ZAP70: variants seen among roughly 807,000 people sequenced by gnomAD.
ZAP70 encodes tyrosine-protein kinase ZAP-70.
Under a neutral mutation model 65.8 loss-of-function variants are expected in ZAP70, and 27 were observed. The observed-to-expected ratio is 0.41, with a 90% CI of 0.30 to 0.57. ZAP70 has a LOEUF of 0.57. ZAP70 is among the 20% of genes least tolerant of loss of function. ZAP70 has a pLI of 0.28. For synonymous variants in ZAP70, 363 were observed against 360.8 expected, an observed-to-expected ratio of 1.01 and a Z score of -0.07; for missense variants, 696 against 870.5, an observed-to-expected ratio of 0.80 and a Z score of 2.52.
chr2:97,738,028 G>A lies in ZAP70; in HGVS notation c.1657G>A (p.Glu553Lys), dbSNP rs760184455. The A allele has an allele frequency of 2.5e-6, 4 of 1,613,102 alleles. No individual in the cohort carries two copies. Among genetic ancestry groups the A allele is most frequent in the African/African-American group, 1.3e-5 (1 of 74,858 alleles). ...MKGPEVMAFI[E>K]QGKRMECPPE... ...AGGGCCGGAGGTCATGGCCTTCATC[G>A]AGCAGGGCAAGCGGATGGAGTGCCC... Residue 553 changes from glutamate (E) to lysine (K), a missense_variant, in exon 13 of 14, where the codon GAG (glutamate) becomes AAG (lysine). Glu to Lys is a moderately conservative substitution (Grantham distance 56). This residue lies in a region of ZAP70 where 67 missense variants were observed against 151.9 expected (regional missense o/e 0.44). Coordinates refer to ENST00000264972, the MANE Select transcript of ZAP70 (RefSeq NM_001079.4).
At chr2:97,729,362 A>G (rs1677512876) in intron 4 of ZAP70, among the ~76,000 whole-genome samples, 1 of 152,184 alleles carries the variant, frequency 6.6e-6, no homozygotes, top group South Asian at 2.1e-4. Context: ...GTAGAGTCAG[A>G]AATGCATTTG....
chr2:97,735,885 C>T (rs547352782), intron 10 of ZAP70, among the ~76,000 whole-genome samples: 14 of 152,214 alleles, frequency 9.2e-5, no homozygotes, highest in African/African-American at 2.4e-4. Context: ...TGGTGGTGGG[C>T]GCCTCCCAGC....
chr2:97,730,967 A>C (rs1279679960), intron 4 of ZAP70, among the ~76,000 whole-genome samples: 2 of 150,078 alleles, frequency 1.3e-5, no homozygotes, highest in Non-Finnish European at 3.0e-5. Flanking sequence ...AGGCAGGAGA[A>C]TGGCATGGAC....
At chr2:97,729,233 A>C (rs1288428171) in intron 4 of ZAP70, among the ~76,000 whole-genome samples, 1 of 152,222 alleles carries the variant, frequency 6.6e-6, no homozygotes, top group African/African-American at 2.4e-5. Context: ...TATGATTTAG[A>C]CCAGTTACCT....
At chr2:97,730,837 C>T (rs1559324003) in intron 4 of ZAP70, among the ~76,000 whole-genome samples, 2 of 152,086 alleles carry the variant, frequency 1.3e-5, no homozygotes, top group Admixed American at 6.6e-5. Flanking sequence ...AGGTGGATCA[C>T]GAGGTCAGAA....
chr2:97,741,048 A>C (rs1678115097), downstream of ZAP70, among the ~76,000 whole-genome samples: 2 of 152,236 alleles, frequency 1.3e-5, no homozygotes, highest in East Asian at 3.8e-4. Flanking sequence ...ACGTTGCATT[A>C]AGCACATGAT....
At chr2:97,724,699 T>A in intron 3 of ZAP70, 1 of 1,517,128 alleles carries the variant, frequency 6.6e-7, no homozygotes, top group Non-Finnish European at 8.8e-7. Flanking sequence ...AGGGACGCAC[T>A]GGGCCGGGCG....
chr2:97,723,311 A>G (rs962634916), intron 2 of ZAP70, among the ~76,000 whole-genome samples: 4 of 152,246 alleles, frequency 2.6e-5, no homozygotes, highest in Admixed American at 1.3e-4. Flanking sequence ...CCGAGGGGAA[A>G]GGGTCAGCGG....
At chr2:97,724,464 G>C in intron 3 of ZAP70, 26 bp downstream of exon 3, 2 of 1,522,618 alleles carry the variant, frequency 1.3e-6, no homozygotes, top group Non-Finnish European at 8.8e-7. Flanking sequence ...GGGGCGCGGG[G>C]TCTGGAGGGG....
rs1300766282 is a variant in ZAP70 at position 97,731,345 on chromosome 2, G to T, written c.564-1538G>T. ...CAGTGACTCAAAATAGAAATGTTTT[G>T]TGGGAGATGTTGACTGGTGTCACTG... On this transcript the variant is annotated intron_variant, in intron 4 of 13. Transcript: ENST00000264972. The surrounding 1 kb of genome is among the most constrained non-coding windows in gnomAD (Gnocchi z 4.0). Among the ~76,000 whole-genome samples the T allele has an allele frequency of 6.6e-6, 1 of 152,066 alleles. No homozygotes were observed. The highest frequency in any genetic ancestry group is 2.4e-5 in the African/African-American group (1 of 41,360).
In ZAP70 at chr2:97,739,425, G is replaced by C; in HGVS notation, c.1787G>C (p.Cys596Ser). ...ACCGTGGAGCAGCGCATGCGAGCCT[G>C]TTACTACAGCCTGGCCAGCAAGGTG... ...FLTVEQRMRACYYSLASKVEG... is the reference protein window; with the variant it reads ...FLTVEQRMRASYYSLASKVEG... Residue 596 changes from cysteine to serine, a missense_variant, in exon 14 of 14, where the codon TGT (cysteine) becomes TCT (serine). By Grantham distance (112) the Cys-to-Ser change is moderately radical. Around this residue, in one of 3 missense-constraint regions of ZAP70, gnomAD observed 78 missense variants for 88.6 expected, o/e 0.88. Coordinates refer to ENST00000264972, the MANE Select transcript of ZAP70 (RefSeq NM_001079.4). The C allele has an allele frequency of 6.2e-7, 1 of 1,613,844 alleles. No individual in the cohort carries two copies. Among genetic ancestry groups the C allele is most frequent in the Non-Finnish European group, 8.5e-7 (1 of 1,179,958 alleles).
chr2:97,732,560 A>C (rs1677651464), intron 4 of ZAP70: 3 of 447,194 alleles, frequency 6.7e-6, no homozygotes, highest in South Asian at 6.5e-5. Context: ...GGTGTTCCCC[A>C]GTGGATGGGT....
chr2:97,739,306 G>T, intron 13 of ZAP70, 69 bp from the exon 14 acceptor site: 1 of 1,602,948 alleles, frequency 6.2e-7, no homozygotes. Context: ...CACAGTGCAT[G>T]CCCACCCACT....
At chr2:97,745,391 G>A in the ZAP70 span, among the ~76,000 whole-genome samples, 1 of 152,180 alleles carries the variant, frequency 6.6e-6, no homozygotes. Flanking sequence ...GTAGCCCAGA[G>A]AATGAGAAAA....
At position 97,737,706 on chromosome 2, in the gene ZAP70, G is replaced by T; in HGVS notation, c.1482+41G>T. On this transcript the variant is annotated intron_variant, in intron 11 of 13. Transcript: ENST00000264972. The surrounding 1 kb of genome is among the most constrained non-coding windows in gnomAD (Gnocchi z 5.0). ...TGTGATGCCCGACTGGATGGGCTGG[G>T]TGGGTAGAGGGTCCCTGACCCCTGA... 1 of 1,614,062 alleles carries T rather than the reference G, an allele frequency of 6.2e-7. No homozygotes were observed. The highest frequency in any genetic ancestry group is 2.2e-5 in the East Asian group (1 of 44,890).
chr2:97,741,019 A>G (rs375089240), downstream of ZAP70, among the ~76,000 whole-genome samples: 28 of 152,354 alleles, frequency 1.8e-4, no homozygotes, highest in East Asian at 5.0e-3. Flanking sequence ...GGTGGTGAGA[A>G]TGTGGCTGTC....
chr2:97,749,898 TG>T, the ZAP70 span, among the ~76,000 whole-genome samples: 1 of 152,220 alleles, frequency 6.6e-6, no homozygotes, highest in African/African-American at 2.4e-5. Flanking sequence ...GGCTCCAGAT[TG>T]GTGGCCTCAT....
At chr2:97,724,468 G>C (rs201910784) in intron 3 of ZAP70, 30 bp downstream of exon 3, 6 of 1,518,416 alleles carry the variant, frequency 4.0e-6, no homozygotes, top group Non-Finnish European at 4.4e-6. Flanking sequence ...CGCGGGGTCT[G>C]GAGGGGCGTG....
intron 8 of ZAP70, chr2:97,733,986 T>C (rs1677734965): frequency 3.1e-6 from 1 of 327,120 alleles, no homozygotes; most frequent in South Asian, 3.5e-5. Context: ...TCTATGGGGA[T>C]GTGAGGCAGT....
Sources: gnomAD v4.1 joint callset for allele counts (sites outside exome capture counted in the v4.1 genomes callset) on GRCh38, gnomAD v4.1.1 for gene constraint, gnomAD v4.1.1 regional missense constraint, Gnocchi (gnomAD v3.1) non-coding constraint, MANE v1.5 for transcripts, NCBI Gene and HGNC (gene_info 2026-07-23, HGNC 2026-07-21) for gene names.